The following POLR1A variants were observed in gnomAD, a reference collection of about 807,000 sequenced individuals.
POLR1A encodes the protein DNA-directed RNA polymerase I subunit RPA1.
A neutral mutation model predicts 205.3 loss-of-function variants in POLR1A; 84 were observed. That is an observed-to-expected ratio of 0.41 (90% CI 0.34 to 0.49). The LOEUF (loss-of-function observed/expected upper bound fraction) is 0.49. Ranked by LOEUF, POLR1A falls within the 20% of genes least tolerant of loss-of-function variation. The pLI is 0.22. For missense variants in POLR1A, 1,645 were observed against 2,204.5 expected (o/e 0.75, Z 5.08); for synonymous variants, 799 against 863.7 (o/e 0.93, Z 1.31).
rs1202365712 is a variant in POLR1A at position 86,043,174 on chromosome 2, G to T, written c.3157C>A (p.Leu1053Ile). 6.2e-7 allele frequency: 1 copy of T among 1,612,948 alleles called. No homozygotes were observed. Among genetic ancestry groups the T allele is most frequent in the African/African-American group, 1.3e-5 (1 of 74,876 alleles). The change falls in exon 23 of 34, where the codon CTC becomes ATC. Residue 1053 changes from leucine (L) to isoleucine (I), a missense_variant. Leu to Ile is a conservative substitution (Grantham distance 5). Transcript: ENST00000263857. ...TCTGCTCTGGATAAAACTTCATGGAGATGCTGTGATTTCATTATCACCTAA... is the reference window on the plus strand; with the variant it reads ...TCTGCTCTGGATAAAACTTCATGGATATGCTGTGATTTCATTATCACCTAA... The part of the protein sequence containing the change: ...NYEVIMKSQH[L>I]HEVLSRADPK...
chr2:86,095,077 T>G (rs1673680791), intron 3 of POLR1A, among the ~76,000 whole-genome samples: 1 of 152,232 alleles, frequency 6.6e-6, no homozygotes, highest in South Asian at 2.1e-4. Flanking sequence ...TGCCCACATG[T>G]GCAGGGATCC....
At position 86,088,820 on chromosome 2, in the gene POLR1A, C is replaced by T; in HGVS notation, c.591G>A (p.Lys197=). ...SKSKLIALFW[K]AHMNAKRCPH... is the part of the protein sequence containing the mutation. ...GACAGCGCTTAGCATTCATATGTGC[C>T]TTCCAGAAGAGAGCAATGAGCTTGC... is the stretch of plus-strand genomic sequence containing the variant. The change falls in exon 5 of 34, where the codon AAG becomes AAA. Residue 197 remains lysine, a synonymous_variant. Transcript: ENST00000263857. 2 of 1,614,102 alleles carry T rather than the reference C, an allele frequency of 1.2e-6. No homozygotes were observed. Among genetic ancestry groups the T allele is most frequent in the East Asian group, 2.2e-5 (1 of 44,880 alleles).
Position 86,070,293 on chromosome 2 carries a change from T to A in POLR1A, c.1612-21A>T, listed in dbSNP as rs200784107. The A allele has an allele frequency of 6.2e-4, 983 of 1,590,784 alleles. 11 individuals are homozygous for A. In the South Asian group the frequency reaches 0.011, roughly 17 times the overall value. On this transcript the variant is annotated intron_variant, in intron 12 of 33. Transcript: ENST00000263857. The surrounding 1 kb of genome is among the most constrained non-coding windows in gnomAD (Gnocchi z 4.4). Reference sequence around the variant, plus strand: ...CACACCTGGGAACAGAGTGGACAGGTGGGTGATCAGTGCAAACGTCAGTAT... The same window carrying A: ...CACACCTGGGAACAGAGTGGACAGGAGGGTGATCAGTGCAAACGTCAGTAT...
chr2:86,047,341 G>T (rs1672727541), intron 18 of POLR1A, 78 bp from the exon 19 acceptor site: 12 of 975,174 alleles, frequency 1.2e-5, no homozygotes, highest in Non-Finnish European at 1.9e-5. Context: ...AATCCAGGAA[G>T]CAGAAGCAAT....
chr2:86,053,017 C>T lies in POLR1A; in HGVS notation c.2209-17G>A, dbSNP rs1222993124. 17 of 1,539,992 alleles carry T rather than the reference C, an allele frequency of 1.1e-5. No homozygotes were observed. The highest frequency in any genetic ancestry group is 1.5e-5 in the Non-Finnish European group (17 of 1,139,500). On this transcript the variant is annotated splice_polypyrimidine_tract_variant and intron_variant, in intron 15 of 33. Coordinates refer to ENST00000263857, the MANE Select transcript of POLR1A (RefSeq NM_015425.6). ...GATGATCACCTGCAGAGGGCAAGGC[C>T]ACCAATGCCGGGCTGCGGGTGATGC...
chr2:86,043,197 TAAACAAACAAACAAAA>T lies in POLR1A; in HGVS notation c.3136-18_3136-3del, dbSNP rs1672649303. On this transcript the variant is annotated splice_polypyrimidine_tract_variant and splice_region_variant and intron_variant, in intron 22 of 33. Coordinates refer to ENST00000263857, the MANE Select transcript of POLR1A (RefSeq NM_015425.6). ...GAGATGCTGTGATTTCATTATCACCTAAACAAACAAACAAAAAAACAAACAAACAAATCACACACAT... is the reference window on the plus strand; with the variant it reads ...GAGATGCTGTGATTTCATTATCACCTAAACAAACAAACAAATCACACACAT... 1 of 1,604,854 alleles carries T rather than the reference TAAACAAACAAACAAAA, an allele frequency of 6.2e-7. No individual in the cohort carries two copies. The highest frequency in any genetic ancestry group is 2.2e-5 in the East Asian group (1 of 44,838).
intron 3 of POLR1A, among the ~76,000 whole-genome samples, chr2:86,093,518 G>C (rs1673646551): frequency 6.6e-6 from 1 of 152,120 alleles, no homozygotes; most frequent in South Asian, 2.1e-4. Flanking sequence ...TTCAAATTTT[G>C]CCAACTCCTT....
At chr2:86,062,172 C>A (rs1376031932) in intron 14 of POLR1A, among the ~76,000 whole-genome samples, 1 of 152,172 alleles carries the variant, frequency 6.6e-6, no homozygotes, top group Non-Finnish European at 1.5e-5. Context: ...TAGCACCAGG[C>A]TGAACCATGA....
intron 31 of POLR1A, among the ~76,000 whole-genome samples, 187 bp downstream of exon 31, chr2:86,030,009 C>T (rs1172592721): frequency 6.6e-6 from 1 of 152,172 alleles, no homozygotes; most frequent in African/African-American, 2.4e-5. Context: ...GGCTAACGTG[C>T]CCCAGAATCC....
chr2:86,052,488 G>A (rs1296310488), intron 16 of POLR1A, among the ~76,000 whole-genome samples: 1 of 152,226 alleles, frequency 6.6e-6, no homozygotes, highest in Non-Finnish European at 1.5e-5. Flanking sequence ...GGCCAAGTGA[G>A]GGCGCCTTTG....
chr2:86,076,371 C>G (rs144430446), intron 11 of POLR1A, among the ~76,000 whole-genome samples: 1 of 152,220 alleles, frequency 6.6e-6, no homozygotes, highest in Non-Finnish European at 1.5e-5. Context: ...CACCCATCAC[C>G]GTTCAACAGA....
At chr2:86,103,860 T>C (rs1673868370) in intron 1 of POLR1A, among the ~76,000 whole-genome samples, 4 of 152,154 alleles carry the variant, frequency 2.6e-5, no homozygotes, top group South Asian at 2.1e-4. Flanking sequence ...TTCAGGTGTG[T>C]ATGTTGGGTA....
intron 25 of POLR1A, among the ~76,000 whole-genome samples, chr2:86,039,815 C>T (rs1409986261): frequency 2.6e-5 from 4 of 152,222 alleles, no homozygotes; most frequent in Non-Finnish European, 1.5e-5. Context: ...TGAGCTCAGC[C>T]AGCCCTCACT....
chr2:86,092,552 C>T (rs570179822), intron 3 of POLR1A, among the ~76,000 whole-genome samples: 8 of 152,234 alleles, frequency 5.3e-5, no homozygotes, highest in Non-Finnish European at 1.2e-4. Context: ...CGGCTGGGCA[C>T]AGTGGCTCAT....
rs1673917574 is a variant in POLR1A, at chr2:86,105,809, A to G, written c.-33T>C. 2 of 1,562,922 alleles carry G rather than the reference A, an allele frequency of 1.3e-6. No homozygotes were observed. Among genetic ancestry groups the G allele is most frequent in the East Asian group, 2.2e-5 (1 of 44,558 alleles). On this transcript the variant is annotated 5_prime_UTR_variant, in exon 1 of 34. Coordinates refer to ENST00000263857, the MANE Select transcript of POLR1A (RefSeq NM_015425.6). ...GTCCGTTTTGAATTCCGACACCCCA[A>G]GAGACGTTCCACTCACCACCTGACT...
At chr2:86,027,652 T>C in intron 33 of POLR1A, 129 bp from the exon 34 acceptor site, 1 of 879,168 alleles carries the variant, frequency 1.1e-6, no homozygotes, top group Non-Finnish European at 1.8e-6. Flanking sequence ...GCTGATGGGA[T>C]CACGAGGCAG....
At chr2:86,063,536 A>C (rs75713195) in intron 14 of POLR1A, among the ~76,000 whole-genome samples, 6,463 of 152,166 alleles carry the variant, frequency 0.042, 257 homozygotes, top group East Asian at 0.23. Context: ...CCCTGATACC[A>C]AAACCAAACA....
At chr2:86,032,137 G>A in intron 29 of POLR1A, 135 bp downstream of exon 29, 1 of 677,428 alleles carries the variant, frequency 1.5e-6, no homozygotes. Context: ...ATGCTGGGCA[G>A]GCAGGTGCTG....
At chr2:86,081,929 T>G (rs1673410938) in intron 7 of POLR1A, among the ~76,000 whole-genome samples, 1 of 152,202 alleles carries the variant, frequency 6.6e-6, no homozygotes, top group Non-Finnish European at 1.5e-5. Context: ...TCTCCCAGGC[T>G]TAGGCAATCC....
Sources: allele counts gnomAD v4.1 joint callset (sites outside exome capture counted in the v4.1 genomes callset), GRCh38; gene constraint gnomAD v4.1.1; non-coding constraint Gnocchi (gnomAD v3.1); transcripts MANE v1.5; gene names NCBI Gene and HGNC (gene_info 2026-07-23, HGNC 2026-07-21).